Variants in ZCCHC17 observed in about 807,000 individuals in gnomAD.
ZCCHC17 encodes zinc finger CCHC-type containing 17.
In ZCCHC17, 18 loss-of-function variants were observed where a neutral mutation model predicts 30.6. That is an observed-to-expected ratio of 0.59 (90% CI 0.41 to 0.87). The LOEUF (loss-of-function observed/expected upper bound fraction) is 0.87. ZCCHC17 is among the 40% of genes least tolerant of loss of function. The probability of loss-of-function intolerance (pLI) is 0.00; values close to 1 mark genes in which losing one functional copy is unlikely to be tolerated. For synonymous variants in ZCCHC17, 88 were observed against 92.4 expected (o/e 0.95, Z 0.27); for missense variants, 263 against 284.2 (o/e 0.93, Z 0.54).
At chr1:31,353,822 C>T (rs2148475720) in intron 7 of ZCCHC17, among the ~76,000 whole-genome samples, 1 of 152,242 alleles carries the variant, frequency 6.6e-6, no homozygotes, top group African/African-American at 2.4e-5. Context: ...TATCACTGGT[C>T]TATATGTCTT....
At chr1:31,341,498 G>A (rs1639046426) in intron 5 of ZCCHC17, among the ~76,000 whole-genome samples, 1 of 152,178 alleles carries the variant, frequency 6.6e-6, no homozygotes, top group South Asian at 2.1e-4. Context: ...GGGTAGGGAA[G>A]GGAAAGGGCT....
intron 1 of ZCCHC17, 29 bp downstream of exon 1, chr1:31,297,104 G>GCTGC (rs1212002691): frequency 2.4e-6 from 1 of 417,702 alleles, no homozygotes; most frequent in Admixed American, 4.1e-5. Flanking sequence ...GGGGTGGGTG[G>GCTGC]CTGCCTGAGT....
chr1:31,361,969 A>G (rs149643363), intron 7 of ZCCHC17, among the ~76,000 whole-genome samples: 1 of 151,686 alleles, frequency 6.6e-6, no homozygotes, highest in Non-Finnish European at 1.5e-5. Flanking sequence ...GCGTAACCAC[A>G]CCCGGCCAAT....
At chr1:31,325,599 A>G (rs988554191) in intron 3 of ZCCHC17, among the ~76,000 whole-genome samples, 4 of 152,142 alleles carry the variant, frequency 2.6e-5, no homozygotes. Context: ...GCTGGACCCC[A>G]TGCTCACTCA....
chr1:31,356,678 T>A (rs1233864809), intron 7 of ZCCHC17, among the ~76,000 whole-genome samples: 2 of 151,972 alleles, frequency 1.3e-5, no homozygotes, highest in Non-Finnish European at 2.9e-5. Flanking sequence ...GGGGCAGGAG[T>A]AAGAATAACA....
chr1:31,348,728 C>T, intron 6 of ZCCHC17, 101 bp from the exon 7 acceptor site: 1 of 1,428,144 alleles, frequency 7.0e-7, no homozygotes, highest in East Asian at 2.3e-5. Flanking sequence ...ACAATATTTC[C>T]TGAGCCAGCT....
chr1:31,350,440 C>T (rs1012924177), intron 7 of ZCCHC17, among the ~76,000 whole-genome samples: 9 of 151,920 alleles, frequency 5.9e-5, no homozygotes, highest in Admixed American at 2.0e-4. Flanking sequence ...TTCTCTTTCT[C>T]GGTGATCCTA....
intron 1 of ZCCHC17, among the ~76,000 whole-genome samples, chr1:31,304,260 A>G (rs1487643107): frequency 6.7e-6 from 1 of 148,384 alleles, no homozygotes. Context: ...ATCTATCTTA[A>G]TGTTATATAC....
intron 1 of ZCCHC17, among the ~76,000 whole-genome samples, chr1:31,306,434 G>T (rs1158107817): frequency 6.6e-6 from 1 of 152,204 alleles, no homozygotes; most frequent in African/African-American, 2.4e-5. Context: ...GCATGGATAC[G>T]CTGGACAAAG....
chr1:31,323,208 T>A lies in ZCCHC17; in HGVS notation c.124+4042T>A, dbSNP rs562779812. Among the ~76,000 whole-genome samples, 3 of 152,362 alleles carry A rather than the reference T, an allele frequency of 2.0e-5. No homozygotes were observed. In the East Asian group the frequency reaches 5.8e-4, roughly 29 times the overall value. ...TAGGGACAAAGATCGAATATGTATT[T>A]CTTATACCACAGTATCAATGCCAGC... On this transcript the variant is annotated intron_variant, in intron 3 of 7. Transcript: ENST00000344147.
chr1:31,363,930 T>A, intron 7 of ZCCHC17, 102 bp from the exon 8 acceptor site: 1 of 1,481,306 alleles, frequency 6.8e-7, no homozygotes, highest in Non-Finnish European at 9.0e-7. Flanking sequence ...CCCAAAGTAC[T>A]AGGATTACAG....
chr1:31,336,972 C>T, intron 3 of ZCCHC17: 1 of 430,434 alleles, frequency 2.3e-6, no homozygotes, highest in Non-Finnish European at 4.1e-6. Flanking sequence ...CTGTGCCCGG[C>T]CACTTTGAGC....
intron 3 of ZCCHC17, among the ~76,000 whole-genome samples, chr1:31,333,546 T>TA (rs1638679319): frequency 6.6e-6 from 1 of 151,854 alleles, no homozygotes; most frequent in African/African-American, 2.4e-5. Flanking sequence ...ATAAAATACA[T>TA]ATGTGTGTGT....
rs767964122 is a variant in ZCCHC17 at position 31,310,024 on chromosome 1, G to A, written c.-55-20G>A. ...TAATGCAGATATCTCTCTAATTGGT[G>A]TCTGATTTCTTTATGACAGGACACT... is the stretch of plus-strand genomic sequence containing the variant. On this transcript the variant is annotated intron_variant, in intron 1 of 7. Transcript: ENST00000344147. 2.1e-4 allele frequency: 308 copies of A among 1,435,280 alleles called. No homozygotes were observed. Among genetic ancestry groups the A allele is most frequent in the Middle Eastern group, 1.8e-4 (1 of 5,656 alleles). 88.9% of individuals were successfully genotyped at this position (1,435,280 alleles called of 1,614,324 possible).
chr1:31,300,945 A>C (rs1646296416), intron 1 of ZCCHC17, among the ~76,000 whole-genome samples: 1 of 151,866 alleles, frequency 6.6e-6, no homozygotes, highest in Non-Finnish European at 1.5e-5. Flanking sequence ...AAAAAAAAAA[A>C]AGAAAAAAAA....
chr1:31,345,573 T>TAATATA (rs1557452546), intron 5 of ZCCHC17, among the ~76,000 whole-genome samples: 1 of 139,368 alleles, frequency 7.2e-6, no homozygotes, highest in African/African-American at 2.7e-5. Flanking sequence ...ATATAATATA[T>TAATATA]ATATATATAT....
intron 4 of ZCCHC17, 76 bp from the exon 5 acceptor site, chr1:31,338,881 G>A (rs905233536): frequency 6.4e-5 from 60 of 937,684 alleles, no homozygotes; most frequent in Non-Finnish European, 9.1e-5. Flanking sequence ...TGATGAAAAC[G>A]TTGACTCTTA....
At chr1:31,356,174 G>A (rs1268426872) in intron 7 of ZCCHC17, among the ~76,000 whole-genome samples, 1 of 152,170 alleles carries the variant, frequency 6.6e-6, no homozygotes, top group African/African-American at 2.4e-5. Flanking sequence ...CTACACTCAA[G>A]CGGCTAATCA....
intron 7 of ZCCHC17, among the ~76,000 whole-genome samples, chr1:31,352,441 A>G (rs887920874): frequency 6.6e-6 from 1 of 152,156 alleles, no homozygotes; most frequent in African/African-American, 2.4e-5. Flanking sequence ...ATCATAGCAT[A>G]TGTTAGAATT....
Sources: gnomAD v4.1 joint callset for allele counts (sites outside exome capture counted in the v4.1 genomes callset) on GRCh38, gnomAD v4.1.1 for gene constraint, MANE v1.5 for transcripts, NCBI Gene and HGNC (gene_info 2026-07-23, HGNC 2026-07-21) for gene names.